The following BABAM2 variants were observed in gnomAD, a reference collection of about 807,000 sequenced individuals.
BABAM2 encodes the protein BRISC and BRCA1-A complex member 2.
BABAM2 carries 31 observed loss-of-function variants against 54.7 expected under a neutral mutation model. That is an observed-to-expected ratio of 0.57 (90% CI 0.43 to 0.77). The LOEUF is 0.77. BABAM2 is among the 30% of genes least tolerant of loss of function. The probability of loss-of-function intolerance (pLI) is 0.00; values close to 1 mark genes in which losing one functional copy is unlikely to be tolerated. For synonymous variants in BABAM2, 167 were observed against 162.9 expected (o/e 1.03, Z -0.19); for missense variants, 364 against 455.8 (o/e 0.80, Z 1.83).
At chr2:28,254,728 A>ATTTTTTTTTT (rs759661036) in intron 10 of BABAM2, among the ~76,000 whole-genome samples, 4 of 122,402 alleles carry the variant, frequency 3.3e-5, no homozygotes, top group Non-Finnish European at 5.1e-5. Flanking sequence ...TTTTTTTTCA[A>ATTTTTTTTTT]TTTTTTTTTT....
At chr2:28,111,915 A>G (rs981235483) in intron 6 of BABAM2, among the ~76,000 whole-genome samples, 7 of 152,088 alleles carry the variant, frequency 4.6e-5, no homozygotes, top group Non-Finnish European at 8.8e-5. Context: ...CTGTCTCTAC[A>G]CATTTTGAGC....
chr2:27,998,000 A>T (rs957216534), intron 4 of BABAM2, among the ~76,000 whole-genome samples: 1 of 152,130 alleles, frequency 6.6e-6, no homozygotes, highest in African/African-American at 2.4e-5. Flanking sequence ...TAAAAATACA[A>T]AAATTAGCTG....
At chr2:28,184,303 CCTCTCTCTCTCTGT>C (rs1428399651) in intron 7 of BABAM2, among the ~76,000 whole-genome samples, 10 of 113,826 alleles carry the variant, frequency 8.8e-5, no homozygotes, top group Non-Finnish European at 1.4e-4. Context: ...TCCCTCTCTC[CCTCTCTCTCTCTGT>C]CTCTCTCTCT....
chr2:27,940,837 A>T (rs1490355214), intron 3 of BABAM2, among the ~76,000 whole-genome samples: 1 of 152,202 alleles, frequency 6.6e-6, no homozygotes, highest in Admixed American at 6.5e-5. Flanking sequence ...GAAGGCTGGT[A>T]GACATAGTCG....
At chr2:28,253,468 TTA>T (rs914661040) in intron 10 of BABAM2, among the ~76,000 whole-genome samples, 1 of 152,050 alleles carries the variant, frequency 6.6e-6, no homozygotes, top group Non-Finnish European at 1.5e-5. Context: ...TTTGCATATG[TTA>T]TGTTATTTAA....
rs1041408885 is a variant in BABAM2, at chr2:28,329,675, T to G, written c.1089-8775T>G. 3.9e-5 allele frequency among the ~76,000 whole-genome samples: 6 copies of G among 152,120 alleles called. No homozygotes were observed. Among genetic ancestry groups the G allele is most frequent in the African/African-American group, 1.4e-4 (6 of 41,416 alleles). On this transcript the variant is annotated intron_variant, in intron 11 of 11. Transcript: ENST00000379624. This position sits in a 1 kb window ranked among gnomAD's most constrained non-coding sequence, Gnocchi z 4.2. Reference sequence around the variant, plus strand: ...AATAGACCAATAACAAGTTCTGAAATTGAGGCAGTAATAAATAGCCTACCA... The same window carrying G: ...AATAGACCAATAACAAGTTCTGAAAGTGAGGCAGTAATAAATAGCCTACCA...
At chr2:28,139,083 A>G (rs953524480) in intron 7 of BABAM2, among the ~76,000 whole-genome samples, 1 of 152,140 alleles carries the variant, frequency 6.6e-6, no homozygotes, top group African/African-American at 2.4e-5. Context: ...GACCAGGGAT[A>G]GGTACTCCTG....
intron 10 of BABAM2, among the ~76,000 whole-genome samples, chr2:28,287,291 A>G (rs1022589976): frequency 6.6e-6 from 1 of 152,164 alleles, no homozygotes; most frequent in African/African-American, 2.4e-5. Flanking sequence ...ATTTAACCAG[A>G]TTTCTTTTTT....
At chr2:28,137,246 G>C (rs989477251) in intron 7 of BABAM2, among the ~76,000 whole-genome samples, 1 of 152,054 alleles carries the variant, frequency 6.6e-6, no homozygotes, top group African/African-American at 2.4e-5. Context: ...ATGTTTTCTC[G>C]AGTCACTGAG....
chr2:28,189,778 G>C (rs1676706396), intron 7 of BABAM2, among the ~76,000 whole-genome samples: 1 of 151,650 alleles, frequency 6.6e-6, no homozygotes, highest in Admixed American at 6.6e-5. Context: ...GGATTGACAA[G>C]CCGATTCTAA....
At chr2:27,890,471 AC>A (rs1664723966), upstream of BABAM2, 2 of 832,530 alleles carry the variant, frequency 2.4e-6, no homozygotes, top group Admixed American at 4.8e-5. This position sits in a 1 kb window ranked among gnomAD's most constrained non-coding sequence, Gnocchi z 4.8. Context: ...CGGGTCGCCC[AC>A]CTGACTGCCC....
chr2:28,126,299 C>G (rs1458011650), intron 6 of BABAM2, among the ~76,000 whole-genome samples: 1 of 116,812 alleles, frequency 8.6e-6, no homozygotes, highest in Non-Finnish European at 1.7e-5. Context: ...CCCCCTCCCC[C>G]CACCCCACAA....
intron 3 of BABAM2, among the ~76,000 whole-genome samples, chr2:27,963,469 C>CAAAAAAAAAAAAAAAAA (rs760525051): frequency 3.7e-5 from 2 of 54,402 alleles, no homozygotes; most frequent in African/African-American, 6.3e-5. Flanking sequence ...GACTCTTTCT[C>CAAAAAAAAAAAAAAAAA]AAAAAAAAAA....
chr2:28,012,283 C>G (rs1448276838), intron 4 of BABAM2, among the ~76,000 whole-genome samples: 2 of 152,182 alleles, frequency 1.3e-5, no homozygotes, highest in Non-Finnish European at 2.9e-5. Context: ...TGCTAATTCC[C>G]TTTCTGCCAT....
chr2:27,944,392 C>T (rs1264723523), intron 3 of BABAM2, among the ~76,000 whole-genome samples: 1 of 152,160 alleles, frequency 6.6e-6, no homozygotes, highest in African/African-American at 2.4e-5. Flanking sequence ...CGGTCCCCTC[C>T]ACCACCTTCC....
intron 6 of BABAM2, among the ~76,000 whole-genome samples, chr2:28,078,483 A>T (rs1030366814): frequency 6.6e-6 from 1 of 152,148 alleles, no homozygotes; most frequent in Non-Finnish European, 1.5e-5. Context: ...GCTTTACAGT[A>T]AGAATGAATC....
intron 6 of BABAM2, among the ~76,000 whole-genome samples, chr2:28,061,810 T>G (rs1678900985): frequency 6.6e-6 from 1 of 152,084 alleles, no homozygotes; most frequent in African/African-American, 2.4e-5. Context: ...TAATTTCAGA[T>G]AGGCTAAATG....
rs539922352 is a variant in BABAM2, at chr2:28,145,043, A to T, written c.680+15663A>T. Among the ~76,000 whole-genome samples, 215 of 152,350 alleles carry T rather than the reference A, an allele frequency of 1.4e-3. 1 individual carries two copies. The highest frequency in any genetic ancestry group is 2.3e-3 in the Non-Finnish European group (159 of 68,034). ...AAAGTGGATTTCTGGGGCCACCCAC[A>T]TTCTGAATCTAAAGTTCTGGGTGTG... On this transcript the variant is annotated intron_variant, in intron 7 of 11. Coordinates refer to ENST00000379624, the MANE Select transcript of BABAM2 (RefSeq NM_199191.3).
intron 3 of BABAM2, among the ~76,000 whole-genome samples, chr2:27,955,866 T>C (rs1670044542): frequency 6.6e-6 from 1 of 152,194 alleles, no homozygotes; most frequent in African/African-American, 2.4e-5. Flanking sequence ...AATAAAAGTA[T>C]CGTTTTAGTG....
Sources: gnomAD v4.1 joint callset for allele counts (sites outside exome capture counted in the v4.1 genomes callset) on GRCh38, gnomAD v4.1.1 for gene constraint, Gnocchi (gnomAD v3.1) non-coding constraint, MANE v1.5 for transcripts, NCBI Gene and HGNC (gene_info 2026-07-23, HGNC 2026-07-21) for gene names.